The following WDR82 variants were observed in gnomAD, a reference collection of about 807,000 sequenced individuals.
The protein encoded by WDR82 is WD repeat domain 82, also known as WD repeat-containing protein 82.
A neutral mutation model predicts 36.1 loss-of-function variants in WDR82; 8 were observed. That is an observed-to-expected ratio of 0.22 (90% confidence interval 0.13 to 0.40). WDR82 has a LOEUF of 0.40. Among genes scored for constraint, WDR82 ranks in the 10% least tolerant of loss-of-function variants. The pLI, the probability that WDR82 is intolerant of heterozygous loss-of-function variation, is 1.00. For synonymous variants in WDR82, 129 were observed against 137.8 expected (o/e 0.94, Z 0.45); for missense variants, 185 against 400.5 (o/e 0.46, Z 4.59).
At chr3:52,274,586 AC>A (rs1280161071) in intron 1 of WDR82, among the ~76,000 whole-genome samples, 1 of 151,894 alleles carries the variant, frequency 6.6e-6, no homozygotes, top group Non-Finnish European at 1.5e-5. Flanking sequence ...AAACAAAAAA[AC>A]AAAACAAAAC....
Position 52,259,892 on chromosome 3 carries a change from G to A in WDR82, c.544-20C>T. On this transcript the variant is annotated intron_variant, in intron 5 of 8. Transcript: ENST00000296490. ...TGGCCCCTGCAAAAGATAAAAAACA[G>A]TAGCCCCAGGCATATTAATAATTTC... The A allele has an allele frequency of 1.7e-5, 27 of 1,606,262 alleles. No homozygotes were observed. Among genetic ancestry groups the A allele is most frequent in the Non-Finnish European group, 2.3e-5 (27 of 1,176,090 alleles).
chr3:52,265,677 G>A (rs907823510), intron 3 of WDR82, among the ~76,000 whole-genome samples: 5 of 150,748 alleles, frequency 3.3e-5, no homozygotes, highest in Non-Finnish European at 5.9e-5. Flanking sequence ...GCGGGTTCAA[G>A]CAATTCTCGT....
intron 1 of WDR82, 45 bp downstream of exon 1, chr3:52,278,156 G>A (rs1700224515): frequency 1.3e-6 from 2 of 1,523,264 alleles, no homozygotes; most frequent in Non-Finnish European, 1.8e-6. Flanking sequence ...TGGGCCACCG[G>A]AGGGAGGCAC....
chr3:52,265,333 A>G (rs1319888980), intron 3 of WDR82, among the ~76,000 whole-genome samples: 1 of 134,132 alleles, frequency 7.5e-6, no homozygotes, highest in Non-Finnish European at 1.6e-5. Context: ...AAAAAAAAAA[A>G]AAGAATCAGG....
intron 8 of WDR82, among the ~76,000 whole-genome samples, chr3:52,258,115 A>C (rs555059539): frequency 6.6e-6 from 1 of 152,312 alleles, no homozygotes; most frequent in African/African-American, 2.4e-5. Flanking sequence ...GTTAATTCTA[A>C]GTGGTGAGTT....
chr3:52,275,615 G>A (rs779352396), intron 1 of WDR82, among the ~76,000 whole-genome samples: 1 of 152,184 alleles, frequency 6.6e-6, no homozygotes, highest in Non-Finnish European at 1.5e-5. Flanking sequence ...GCCGGGCGCA[G>A]TGGCTCATGC....
intron 7 of WDR82, 57 bp downstream of exon 7, chr3:52,259,140 C>G (rs1700037691): frequency 6.8e-7 from 1 of 1,476,728 alleles, no homozygotes; most frequent in Non-Finnish European, 9.3e-7. Flanking sequence ...ATAATTTAAA[C>G]AAAGAAATGC....
chr3:52,261,556 C>G (rs1700061924), intron 3 of WDR82, 77 bp from the exon 4 acceptor site: 7 of 1,283,210 alleles, frequency 5.5e-6, no homozygotes, highest in Non-Finnish European at 6.6e-6. Flanking sequence ...ACCACTCTGC[C>G]TATCTATACA....
Position 52,255,584 on chromosome 3 carries a change from A to G in WDR82, c.*1906T>C, listed in dbSNP as rs1175995639. On this transcript the variant is annotated 3_prime_UTR_variant, in exon 9 of 9. Transcript: ENST00000296490. Reference sequence around the variant, plus strand: ...AAAGGTGTACGCCTCTTGCACTTTCAGAGGAACAAGTCAAAAAGTAATTGC... The same window carrying G: ...AAAGGTGTACGCCTCTTGCACTTTCGGAGGAACAAGTCAAAAAGTAATTGC... 1 of 152,072 alleles carries G rather than the reference A, an allele frequency of 6.6e-6. No homozygotes were observed. Among genetic ancestry groups the G allele is most frequent in the Admixed American group, 6.6e-5 (1 of 15,254 alleles). The allele number at this position is 152,072 out of a possible 1,614,324, so 9.4% of individuals were successfully genotyped here.
At chr3:52,276,540 T>C (rs754091868) in intron 1 of WDR82, among the ~76,000 whole-genome samples, 20 of 152,086 alleles carry the variant, frequency 1.3e-4, no homozygotes, top group Non-Finnish European at 1.9e-4. Context: ...AGAAATGCTA[T>C]AACAACCTTC....
At position 52,278,227 on chromosome 3, in the gene WDR82, G is replaced by A. The variant is rs2107346550; in HGVS notation, c.135C>T (p.Ile45=). 1 of 1,607,022 alleles carries A rather than the reference G, an allele frequency of 6.2e-7. No homozygotes were observed. Among genetic ancestry groups the A allele is most frequent in the Non-Finnish European group, 8.5e-7 (1 of 1,176,840 alleles). ...TGCCCTCCTGGCAGTCATAGAGCAC[G>A]ATGGAGTCGTCGTCGCTACTCGAGA... ...TVISSSDDDS[I]VLYDCQEGKP... is the part of the protein sequence containing the mutation. The change falls in exon 1 of 9, where the codon ATC becomes ATT. Residue 45 remains isoleucine, a synonymous_variant. Transcript: ENST00000296490.
At chr3:52,275,234 A>G (rs926721015) in intron 1 of WDR82, among the ~76,000 whole-genome samples, 3 of 152,212 alleles carry the variant, frequency 2.0e-5, no homozygotes, top group African/African-American at 7.2e-5. Flanking sequence ...AAAAATAAAT[A>G]AATAAAAGAT....
At chr3:52,270,116 TG>T (rs1172276296) in intron 2 of WDR82, among the ~76,000 whole-genome samples, 1 of 152,220 alleles carries the variant, frequency 6.6e-6, no homozygotes, top group African/African-American at 2.4e-5. Flanking sequence ...TCCTTTTATT[TG>T]TTCTAAAAGT....
At chr3:52,277,525 T>G (rs1343310277) in intron 1 of WDR82, among the ~76,000 whole-genome samples, 2 of 152,172 alleles carry the variant, frequency 1.3e-5, no homozygotes, top group Non-Finnish European at 2.9e-5. Context: ...CGTTTGTGTG[T>G]GGCAAAAAGG....
chr3:52,275,455 CCA>C (rs1346648722), intron 1 of WDR82, among the ~76,000 whole-genome samples: 1 of 152,204 alleles, frequency 6.6e-6, no homozygotes, highest in Non-Finnish European at 1.5e-5. Context: ...CACTCCTTCA[CCA>C]CAGATAATGA....
At chr3:52,267,241 A>G (rs909645048) in intron 2 of WDR82, 6 of 362,122 alleles carry the variant, frequency 1.7e-5, no homozygotes, top group South Asian at 5.3e-5. Flanking sequence ...CATAGAAAGC[A>G]ATGTTTGAAA....
intron 2 of WDR82, chr3:52,268,170 T>TC: frequency 3.0e-6 from 1 of 328,570 alleles, no homozygotes; most frequent in Non-Finnish European, 6.6e-6. Flanking sequence ...TAACAATGAC[T>TC]CACCTGCCCT....
intron 1 of WDR82, among the ~76,000 whole-genome samples, chr3:52,272,112 A>G (rs940007458): frequency 2.0e-5 from 3 of 152,256 alleles, no homozygotes; most frequent in East Asian, 1.9e-4. Context: ...AAAATCACAC[A>G]TTTCCAAGCT....
Position 52,259,200 on chromosome 3 carries a change from T to C in WDR82, c.766A>G (p.Ile256Val), listed in dbSNP as rs1439035665. The C allele has an allele frequency of 1.2e-6, 2 of 1,614,036 alleles. No individual in the cohort carries two copies. The highest frequency in any genetic ancestry group is 2.7e-5 in the African/African-American group (2 of 75,032). The change falls in exon 7 of 9, where the codon ATT becomes GTT. Residue 256 changes from isoleucine to valine, a missense_variant. Coordinates refer to ENST00000296490, the MANE Select transcript of WDR82 (RefSeq NM_025222.4). ...CAGGGGATAAAAGGAAACTCACCAA[T>C]CATAATAAACTGAGAGTCTGGAGTA... ...SFTPDSQFIMIGSEDGKIHVW... is the reference protein window; with the variant it reads ...SFTPDSQFIMVGSEDGKIHVW...
Sources: gnomAD v4.1 joint callset for allele counts (sites outside exome capture counted in the v4.1 genomes callset) on GRCh38, gnomAD v4.1.1 for gene constraint, MANE v1.5 for transcripts, NCBI Gene and HGNC (gene_info 2026-07-23, HGNC 2026-07-21) for gene names.